Variants in CSMD1 observed in about 807,000 individuals in gnomAD.
CSMD1 encodes the protein CUB and sushi domain-containing protein 1.
Under a neutral mutation model 417.5 loss-of-function variants are expected in CSMD1, and 213 were observed. The ratio of observed to expected loss-of-function variants is 0.51; its 90% CI spans 0.46 to 0.57. The LOEUF (loss-of-function observed/expected upper bound fraction) is 0.57, where lower values mean the gene tolerates loss of function less well. CSMD1 is among the 20% of genes least tolerant of loss of function. The pLI, the probability that CSMD1 is intolerant of heterozygous loss-of-function variation, is 0.00. For synonymous variants in CSMD1, 2,862 were observed against 1,736.8 expected (o/e 1.65, Z -16.11); for missense variants, 6,923 against 4,529.7 (o/e 1.53, Z -15.17).
chr8:3,924,462 T>C (rs1029884561), intron 5 of CSMD1, among the ~76,000 whole-genome samples: 1 of 151,974 alleles, frequency 6.6e-6, no homozygotes, highest in African/African-American at 2.4e-5. Context: ...AATTTATCTT[T>C]CTCTGTTTCT....
At chr8:4,117,987 A>G (rs1238497815) in intron 3 of CSMD1, among the ~76,000 whole-genome samples, 2 of 150,828 alleles carry the variant, frequency 1.3e-5, no homozygotes, top group Non-Finnish European at 2.9e-5. Context: ...GGACAAGAGC[A>G]GGCACATGAG....
At chr8:3,726,072 A>G (rs1802477587) in intron 6 of CSMD1, among the ~76,000 whole-genome samples, 1 of 152,050 alleles carries the variant, frequency 6.6e-6, no homozygotes, top group Non-Finnish European at 1.5e-5. Context: ...CAGCCATGCC[A>G]TGAGGGTACT....
At chr8:3,903,532 G>A (rs781503590) in intron 5 of CSMD1, among the ~76,000 whole-genome samples, 2 of 152,090 alleles carry the variant, frequency 1.3e-5, no homozygotes, top group Non-Finnish European at 2.9e-5. Context: ...AGTAATTGCC[G>A]GCATTTTGTC....
At chr8:4,128,929 A>C (rs1030290646) in intron 3 of CSMD1, among the ~76,000 whole-genome samples, 1 of 152,034 alleles carries the variant, frequency 6.6e-6, no homozygotes, top group Non-Finnish European at 1.5e-5. Context: ...TTCCTGTTTT[A>C]GCCGGGCATG....
intron 3 of CSMD1, among the ~76,000 whole-genome samples, chr8:4,144,996 C>G (rs925041138): frequency 6.6e-6 from 1 of 151,044 alleles, no homozygotes; most frequent in South Asian, 2.1e-4. Context: ...ATAAAACGTT[C>G]TCTACTTTAT....
chr8:3,989,353 T>A (rs76339179), intron 5 of CSMD1, among the ~76,000 whole-genome samples: 4,249 of 152,318 alleles, frequency 0.028, 126 homozygotes, highest in East Asian at 0.13. Flanking sequence ...TTAGCAACTA[T>A]GCTTTTATGG....
At chr8:3,837,565 G>T (rs1258351524) in intron 5 of CSMD1, among the ~76,000 whole-genome samples, 1 of 152,140 alleles carries the variant, frequency 6.6e-6, no homozygotes, top group East Asian at 1.9e-4. Context: ...TACCAATAAT[G>T]ATACTTGAAA....
intron 26 of CSMD1, among the ~76,000 whole-genome samples, chr8:3,231,181 G>C (rs773524012): frequency 6.6e-6 from 1 of 152,118 alleles, no homozygotes; most frequent in Non-Finnish European, 1.5e-5. Flanking sequence ...TGTGTATTAT[G>C]TGTCGCACTG....
At chr8:4,277,194 A>T (rs1385601903) in intron 3 of CSMD1, among the ~76,000 whole-genome samples, 1 of 114,506 alleles carries the variant, frequency 8.7e-6, no homozygotes, top group Non-Finnish European at 2.0e-5. Flanking sequence ...TCATCTACAG[A>T]TAACATATAT....
chr8:3,544,978 C>CCTTTT (rs143125343), intron 10 of CSMD1, among the ~76,000 whole-genome samples: 7,188 of 152,230 alleles, frequency 0.047, 485 homozygotes, highest in African/African-American at 0.15. Context: ...CTTGATCCTT[C>CCTTTT]ATTTTTGTTC....
At chr8:3,924,385 C>A (rs189820900) in intron 5 of CSMD1, among the ~76,000 whole-genome samples, 3 of 152,270 alleles carry the variant, frequency 2.0e-5, no homozygotes, top group African/African-American at 7.2e-5. Context: ...ATTCATTGGG[C>A]TTCATATACC....
At chr8:4,267,928 A>C (rs1000546863) in intron 3 of CSMD1, among the ~76,000 whole-genome samples, 2 of 152,088 alleles carry the variant, frequency 1.3e-5, no homozygotes, top group African/African-American at 4.8e-5. Context: ...TCACTTATTC[A>C]TGCCTCATAT....
At chr8:4,599,102 A>C (rs368057587) in intron 2 of CSMD1, among the ~76,000 whole-genome samples, 4 of 152,228 alleles carry the variant, frequency 2.6e-5, no homozygotes, top group East Asian at 3.8e-4. Context: ...GGATTAAGTA[A>C]AAAGTGTTAG....
intron 2 of CSMD1, among the ~76,000 whole-genome samples, chr8:4,497,596 A>G (rs1414563218): frequency 1.3e-5 from 2 of 152,198 alleles, no homozygotes; most frequent in East Asian, 3.9e-4. Flanking sequence ...GGATGCTGCC[A>G]TTTAGGCAAA....
chr8:4,187,312 C>A (rs964031367), intron 3 of CSMD1, among the ~76,000 whole-genome samples: 2 of 152,018 alleles, frequency 1.3e-5, no homozygotes, highest in African/African-American at 2.4e-5. Context: ...AAAGGACAAC[C>A]CACTAGGATG....
rs1167731757 is a variant in CSMD1 at position 3,670,972 on chromosome 8, G to C, written c.1009+37442C>G. Among the ~76,000 whole-genome samples, 6 of 115,878 alleles carry C rather than the reference G, an allele frequency of 5.2e-5. 1 individual carries two copies. Among genetic ancestry groups the C allele is most frequent in the Non-Finnish European group, 1.1e-4 (6 of 54,356 alleles). 76.0% of individuals were successfully genotyped at this position (115,878 alleles called of 152,430 possible). On this transcript the variant is annotated intron_variant, in intron 7 of 69. Transcript: ENST00000635120. ...ATATGTGTATGGGATATATGTATAT[G>C]GGATATATATGTATATGGGATATAT...
chr8:4,331,484 G>C lies in CSMD1; in HGVS notation c.415+88469C>G, dbSNP rs549556308. ...TTGCCAGCCTTCTTTTGGGTTTTGG[G>C]TTTTGTAATTCAAACATGTTTCAGT... is the stretch of plus-strand genomic sequence containing the variant. On this transcript the variant is annotated intron_variant, in intron 3 of 69. Transcript: ENST00000635120. Among the ~76,000 whole-genome samples the C allele has an allele frequency of 3.9e-5, 6 of 152,142 alleles. No individual in the cohort carries two copies. In the East Asian group the frequency reaches 9.7e-4, roughly 25 times the overall value.
At chr8:3,838,370 T>C (rs1802840872) in intron 5 of CSMD1, among the ~76,000 whole-genome samples, 1 of 149,984 alleles carries the variant, frequency 6.7e-6, no homozygotes, top group Non-Finnish European at 1.5e-5. Flanking sequence ...ACACTGTCTC[T>C]ACTATATATA....
chr8:4,674,080 T>C (rs555033730), intron 1 of CSMD1, among the ~76,000 whole-genome samples: 41 of 152,334 alleles, frequency 2.7e-4, no homozygotes, highest in Non-Finnish European at 5.7e-4. Context: ...TTCTCACTTA[T>C]ATGCATTATT....
Sources: allele counts gnomAD v4.1 joint callset (sites outside exome capture counted in the v4.1 genomes callset), GRCh38; gene constraint gnomAD v4.1.1; transcripts MANE v1.5; gene names NCBI Gene and HGNC (gene_info 2026-07-23, HGNC 2026-07-21).